The following TAF15 variants were observed in gnomAD, a reference collection of about 807,000 sequenced individuals.
The protein encoded by TAF15 is TATA-box binding protein associated factor 15.
TAF15 carries 37 observed loss-of-function variants against 102.5 expected under a neutral mutation model. That is an observed-to-expected ratio of 0.36 (90% CI 0.28 to 0.47). The LOEUF is 0.47. TAF15 is among the 20% of genes least tolerant of loss of function. The pLI is 0.99. For synonymous variants in TAF15, 273 were observed against 259.2 expected (o/e 1.05, Z -0.51); for missense variants, 652 against 760.7 (o/e 0.86, Z 1.68).
At chr17:35,838,835 A>T (rs2087506661) in intron 11 of TAF15, among the ~76,000 whole-genome samples, 1 of 152,240 alleles carries the variant, frequency 6.6e-6, no homozygotes, top group African/African-American at 2.4e-5. Flanking sequence ...TTAAAAAAAT[A>T]AATTTAAAAG....
intron 7 of TAF15, chr17:35,833,664 A>G: frequency 4.3e-6 from 2 of 463,726 alleles, no homozygotes. Flanking sequence ...GGGAAGATTT[A>G]GAAATAAGAG....
In TAF15 at chr17:35,824,248, T is replaced by G. The variant is rs1313090146; in HGVS notation, c.605+50T>G. The G allele has an allele frequency of 1.9e-6, 3 of 1,604,118 alleles. No homozygotes were observed. In the South Asian group the frequency reaches 3.4e-5, roughly 18 times the overall value. On this transcript the variant is annotated intron_variant, in intron 7 of 15. Transcript: ENST00000605844. ...ACATTTCTTCTTCTTCCTCTTTTTT[T>G]TTTTTTTAAGGTGTTACTTGGCTGG...
In TAF15 at chr17:35,844,466, C is replaced by G. The variant is rs780435328; in HGVS notation, c.1178-11C>G. 11 of 1,613,740 alleles carry G rather than the reference C, an allele frequency of 6.8e-6. No individual in the cohort carries two copies. Among genetic ancestry groups the G allele is most frequent in the Admixed American group, 6.7e-5 (4 of 60,014 alleles). ...TCTGCTGGCCTCATTGTTTGCATTT[C>G]TACCTTGCAGATTTCCGGGGGAGAG... On this transcript the variant is annotated splice_polypyrimidine_tract_variant and intron_variant, in intron 14 of 15. Transcript: ENST00000605844.
Position 35,824,233 on chromosome 17 carries a change from T to A in TAF15, c.605+35T>A, listed in dbSNP as rs780277405. The A allele has an allele frequency of 3.8e-6, 6 of 1,596,228 alleles. No homozygotes were observed. The Admixed American group carries it at 8.8e-5, about 23-fold the overall frequency. ...TAGATAAAGATGCGTACATTTCTTC[T>A]TCTTCCTCTTTTTTTTTTTTTTAAG... On this transcript the variant is annotated intron_variant, in intron 7 of 15. Coordinates refer to ENST00000605844, the MANE Select transcript of TAF15 (RefSeq NM_139215.3).
intron 1 of TAF15, 94 bp downstream of exon 1, chr17:35,809,670 C>A: frequency 5.7e-6 from 9 of 1,574,786 alleles, no homozygotes; most frequent in Non-Finnish European, 7.8e-6. Context: ...TGAGGAGAAG[C>A]CTCCGGCCCT....
intron 1 of TAF15, chr17:35,809,968 T>C (rs960113713): frequency 5.5e-6 from 2 of 363,278 alleles, no homozygotes; most frequent in South Asian, 5.9e-5. Context: ...CTCGGATCTT[T>C]CAGCGAGGCC....
chr17:35,813,300 G>C (rs1266031293), intron 1 of TAF15, among the ~76,000 whole-genome samples: 1 of 152,010 alleles, frequency 6.6e-6, no homozygotes, highest in African/African-American at 2.4e-5. Flanking sequence ...GTGGAAGGTA[G>C]ATGTGATCTT....
At chr17:35,812,601 A>G (rs1325631130) in intron 1 of TAF15, among the ~76,000 whole-genome samples, 1 of 150,700 alleles carries the variant, frequency 6.6e-6, no homozygotes. Flanking sequence ...AAAAAAAAAA[A>G]AAAAACCTGA....
intron 7 of TAF15, among the ~76,000 whole-genome samples, chr17:35,828,581 AT>A (rs2087358330): frequency 6.6e-6 from 1 of 152,090 alleles, no homozygotes; most frequent in Admixed American, 6.5e-5. Context: ...AAATGAAAAA[AT>A]TAGCTGGCCA....
intron 11 of TAF15, among the ~76,000 whole-genome samples, chr17:35,841,285 A>G (rs2087539752): frequency 6.6e-6 from 1 of 152,250 alleles, no homozygotes; most frequent in African/African-American, 2.4e-5. Flanking sequence ...CACAGTAGGC[A>G]ATGCATATAA....
At chr17:35,824,007 C>A in intron 6 of TAF15, 71 bp from the exon 7 acceptor site, 1 of 1,600,174 alleles carries the variant, frequency 6.2e-7, no homozygotes, top group Non-Finnish European at 8.6e-7. Context: ...CCTAAAGAGC[C>A]ATTTAACATT....
intron 1 of TAF15, 150 bp from the exon 2 acceptor site, chr17:35,817,566 T>C: frequency 1.4e-6 from 1 of 694,600 alleles, no homozygotes; most frequent in South Asian, 1.8e-5. Context: ...TTTGTACAAA[T>C]TTCTTGTTTC....
chr17:35,836,332 G>T (rs936395419), intron 10 of TAF15, 91 bp downstream of exon 10: 1 of 915,634 alleles, frequency 1.1e-6, no homozygotes, highest in Non-Finnish European at 1.7e-6. Context: ...ACTTCAGTAC[G>T]CCTTGTCTCT....
At position 35,838,522 on chromosome 17, in the gene TAF15, T is replaced by C. The variant is rs201907568; in HGVS notation, c.882T>C (p.Pro294=). The C allele has an allele frequency of 8.7e-6, 14 of 1,614,210 alleles. No individual in the cohort carries two copies. Among genetic ancestry groups the C allele is most frequent in the Non-Finnish European group, 1.2e-5 (14 of 1,180,036 alleles). ...GEATVSFDDP[P]SAKAAIDWFD... ...CAACAGTGTCATTTGATGACCCTCC[T>C]TCAGCTAAGGCAGCCATTGACTGGT... is the stretch of plus-strand genomic sequence containing the variant. The change falls in exon 11 of 16, where the codon CCT becomes CCC. Residue 294 remains proline, a synonymous_variant. Transcript: ENST00000605844.
Position 35,838,516 on chromosome 17 carries a change from C to T in TAF15, c.876C>T (p.Asp292=), listed in dbSNP as rs149293057. 1.3e-4 allele frequency: 209 copies of T among 1,614,162 alleles called. 1 individual carries two copies. The African/African-American group carries it at 2.4e-3, about 18-fold the overall frequency. Residue 292 remains aspartate (D), a synonymous_variant, in exon 11 of 16, where the codon GAC becomes GAT. Coordinates refer to ENST00000605844, the MANE Select transcript of TAF15 (RefSeq NM_139215.3). ...GGGAGGCAACAGTGTCATTTGATGA[C>T]CCTCCTTCAGCTAAGGCAGCCATTG... ...PKGEATVSFD[D]PPSAKAAIDW...
At chr17:35,845,389 G>A (rs182618125) in intron 15 of TAF15, among the ~76,000 whole-genome samples, 199 of 152,188 alleles carry the variant, frequency 1.3e-3, no homozygotes, top group African/African-American at 4.4e-3. Flanking sequence ...CAAGTAGCTG[G>A]AACTATAGGT....
Position 35,845,041 on chromosome 17 carries a change from G to C in TAF15, c.1739+3G>C. On this transcript the variant is annotated splice_donor_region_variant and intron_variant, in intron 15 of 15. Transcript: ENST00000605844. ...TATGGAGGCAAAATGGGAGGAAGGT[G>C]AGTATTAGAATGTGTTTATTAACCT... 1 of 1,613,978 alleles carries C rather than the reference G, an allele frequency of 6.2e-7. No homozygotes were observed. The highest frequency in any genetic ancestry group is 8.5e-7 in the Non-Finnish European group (1 of 1,180,008).
chr17:35,812,828 A>G (rs1322283668), intron 1 of TAF15, among the ~76,000 whole-genome samples: 3 of 152,054 alleles, frequency 2.0e-5, no homozygotes, highest in African/African-American at 7.2e-5. Context: ...GGAAGGAATC[A>G]ACCCTAAGAT....
At chr17:35,823,750 C>T in intron 6 of TAF15, 2 of 273,316 alleles carry the variant, frequency 7.3e-6, no homozygotes, top group Admixed American at 4.9e-5. Flanking sequence ...TGCTTTTCAT[C>T]TAAGTTACTA....
Sources: gnomAD v4.1 joint callset for allele counts (sites outside exome capture counted in the v4.1 genomes callset) on GRCh38, gnomAD v4.1.1 for gene constraint, MANE v1.5 for transcripts, NCBI Gene and HGNC (gene_info 2026-07-23, HGNC 2026-07-21) for gene names.